GPR146: variants seen among roughly 807,000 people sequenced by gnomAD.
GPR146 encodes G-protein coupled receptor 146.
For synonymous variants in GPR146, 203 were observed against 104.3 expected (o/e 1.95, Z -5.77); for missense variants, 381 against 213.9 (o/e 1.78, Z -4.87).
chr7:1,045,631 A>G (rs1782506623), intron 1 of GPR146: 1 of 152,250 alleles, frequency 6.6e-6, no homozygotes, highest in South Asian at 2.1e-4. Flanking sequence ...GGCACTGTTA[A>G]TAATTAGACG....
chr7:1,053,001 C>T (rs765094623), intron 1 of GPR146, among the ~76,000 whole-genome samples: 23 of 152,232 alleles, frequency 1.5e-4, no homozygotes, highest in Non-Finnish European at 2.9e-4. Flanking sequence ...GCTCCCCGTT[C>T]CTCTTTCCCT....
chr7:1,050,332 A>G (rs1174424663), intron 1 of GPR146, among the ~76,000 whole-genome samples: 1 of 152,258 alleles, frequency 6.6e-6, no homozygotes, highest in Non-Finnish European at 1.5e-5. Flanking sequence ...GCATTTGCTC[A>G]GGCTCAGAGC....
rs776480007 is a variant in GPR146 at position 1,058,792 on chromosome 7, C to T, written c.*275C>T. The T allele has an allele frequency of 2.1e-6, 1 of 480,780 alleles. No homozygotes were observed. Among genetic ancestry groups the T allele is most frequent in the Non-Finnish European group, 3.8e-6 (1 of 263,114 alleles). The allele number at this position is 480,780 out of a possible 1,614,324, so 29.8% of individuals were successfully genotyped here. ...CCGCAAAAGCCTCCTCGCCTTCAGCCTCCTCAGCATTCAGTTTGTCAATGA... is the reference window on the plus strand; with the variant it reads ...CCGCAAAAGCCTCCTCGCCTTCAGCTTCCTCAGCATTCAGTTTGTCAATGA... On this transcript the variant is annotated 3_prime_UTR_variant, in exon 2 of 2. Transcript: ENST00000444847.
At chr7:1,053,943 G>A (rs1365475961) in intron 1 of GPR146, among the ~76,000 whole-genome samples, 3 of 152,232 alleles carry the variant, frequency 2.0e-5, no homozygotes, top group Admixed American at 2.0e-4. Flanking sequence ...GCACTCCCAG[G>A]GACCCTGTTC....
intron 1 of GPR146, among the ~76,000 whole-genome samples, chr7:1,046,254 T>C (rs553163219): frequency 2.6e-5 from 4 of 152,138 alleles, no homozygotes; most frequent in African/African-American, 7.2e-5. Flanking sequence ...CCTGAAAAAA[T>C]AACTGCCGCC....
At chr7:1,046,616 G>T (rs1198660708) in intron 1 of GPR146, among the ~76,000 whole-genome samples, 1 of 152,176 alleles carries the variant, frequency 6.6e-6, no homozygotes, top group Non-Finnish European at 1.5e-5. Context: ...ATGAGATGCT[G>T]CCCGGGACCA....
rs945845990 is a variant in GPR146, at chr7:1,048,563, T to C, written c.-25+3905T>C. 6.4e-4 allele frequency among the ~76,000 whole-genome samples: 97 copies of C among 152,152 alleles called. 2 individuals carry two copies. The highest frequency in any genetic ancestry group is 2.1e-4 in the South Asian group (1 of 4,826). ...ACAGGCCTGGGGCAGTCCATTTCTA[T>C]TGGGAAACCCTATCAAAGTTAGCCC... On this transcript the variant is annotated intron_variant, in intron 1 of 1. Coordinates refer to ENST00000444847, the MANE Select transcript of GPR146 (RefSeq NM_001303473.2).
rs145707904 is a variant in GPR146, at chr7:1,057,146, G to A, written c.-24-346G>A. 2.2e-3 allele frequency among the ~76,000 whole-genome samples: 336 copies of A among 152,162 alleles called. 3 individuals are homozygous for A. The highest frequency in any genetic ancestry group is 7.7e-3 in the African/African-American group (321 of 41,526). ...ACACCACAGACATCTAGTAAACTTC[G>A]GGAATCACTGTGCGGGGCCCGTCCA... On this transcript the variant is annotated intron_variant, in intron 1 of 1. Transcript: ENST00000444847.
chr7:1,044,991 C>T (rs1782447394), intron 1 of GPR146, among the ~76,000 whole-genome samples: 1 of 152,274 alleles, frequency 6.6e-6, no homozygotes, highest in Admixed American at 6.5e-5. Context: ...TCTCCTGGGC[C>T]ACTATGGTGA....
chr7:1,048,131 GT>G (rs1782753296), intron 1 of GPR146, among the ~76,000 whole-genome samples: 1 of 152,188 alleles, frequency 6.6e-6, no homozygotes, highest in African/African-American at 2.4e-5. Flanking sequence ...ACGAGCCAGT[GT>G]TTGCTGAGAG....
At position 1,057,587 on chromosome 7, in the gene GPR146, G is replaced by A; in HGVS notation, c.72G>A (p.Leu24=). 2.6e-6 allele frequency: 2 copies of A among 772,034 alleles called. No homozygotes were observed. The highest frequency in any genetic ancestry group is 2.5e-4 in the Middle Eastern group (1 of 4,062). The allele number at this position is 772,034 out of a possible 1,614,324, so 47.8% of individuals were successfully genotyped here. Residue 24 remains leucine, a synonymous_variant, in exon 2 of 2, where the codon CTG becomes CTA. Transcript: ENST00000444847. ...EELPACQDLQ[L]GLSLLSLLGL... ...TGCCTGCCTGCCAGGACCTGCAGCT[G>A]GGGCTGTCACTGTTGTCGCTGCTGG... is the stretch of plus-strand genomic sequence containing the variant.
At chr7:1,049,694 C>T (rs1300183745) in intron 1 of GPR146, among the ~76,000 whole-genome samples, 1 of 152,262 alleles carries the variant, frequency 6.6e-6, no homozygotes, top group Non-Finnish European at 1.5e-5. Flanking sequence ...CCCTGTCTAA[C>T]ATTCCCTCAT....
chr7:1,045,171 C>G (rs1460708858), intron 1 of GPR146, among the ~76,000 whole-genome samples: 1 of 152,256 alleles, frequency 6.6e-6, no homozygotes, highest in Non-Finnish European at 1.5e-5. Flanking sequence ...ACCACCACTA[C>G]CAGCAGCAGA....
Position 1,058,468 on chromosome 7 carries a change from A to G in GPR146, c.953A>G (p.Asp318Gly). The change falls in exon 2 of 2, where the codon GAC becomes GGC. Residue 318 changes from aspartate to glycine, a missense_variant. Asp to Gly is a moderately conservative substitution (Grantham distance 94). Coordinates refer to ENST00000444847, the MANE Select transcript of GPR146 (RefSeq NM_001303473.2). ...CTGATGAAAAAGCTGCCCTGCGGGG[A>G]CCGGCACTGCTCCCCGGACCACATG... ...QRLMKKLPCG[D>G]RHCSPDHMGV... The G allele has an allele frequency of 1.3e-6, 1 of 780,288 alleles. No individual in the cohort carries two copies. Among genetic ancestry groups the G allele is most frequent in the Non-Finnish European group, 2.4e-6 (1 of 418,110 alleles). 48.3% of individuals were successfully genotyped at this position (780,288 alleles called of 1,614,324 possible).
At position 1,057,496 on chromosome 7, in the gene GPR146, G is replaced by A. The variant is rs370178190; in HGVS notation, c.-20G>A. ...ACCTGTTCCTTCTTTCCGCAGGGTC[G>A]CGGAGCCTCGCCGGCCGCCATGTGG... On this transcript the variant is annotated 5_prime_UTR_variant, in exon 2 of 2. Coordinates refer to ENST00000444847, the MANE Select transcript of GPR146 (RefSeq NM_001303473.2). The A allele has an allele frequency of 4.3e-5, 32 of 752,538 alleles. No individual in the cohort carries two copies. The highest frequency in any genetic ancestry group is 6.9e-5 in the Non-Finnish European group (28 of 407,224). 46.6% of individuals were successfully genotyped at this position (752,538 alleles called of 1,614,324 possible). A position where few individuals can be genotyped will look rare whatever the true frequency, so the allele number is the denominator to read the frequency against.
intron 1 of GPR146, among the ~76,000 whole-genome samples, chr7:1,053,684 G>A (rs906127918): frequency 2.2e-4 from 34 of 152,178 alleles, no homozygotes; most frequent in African/African-American, 8.2e-4. Flanking sequence ...AAAATTAGCT[G>A]GGTGTGGTGG....
At chr7:1,056,671 G>T (rs1195777045) in intron 1 of GPR146, 2 of 152,252 alleles carry the variant, frequency 1.3e-5, no homozygotes, top group African/African-American at 4.8e-5. Context: ...TGGCGGGTGA[G>T]GACCCACTCC....
In GPR146 at chr7:1,052,700, C is replaced by T. The variant is rs1276473491; in HGVS notation, c.-24-4792C>T. Among the ~76,000 whole-genome samples the T allele has an allele frequency of 6.6e-6, 1 of 151,958 alleles. No homozygotes were observed. The highest frequency in any genetic ancestry group is 1.5e-5 in the Non-Finnish European group (1 of 67,960). Reference sequence around the variant, plus strand: ...TGCTGGCTGAGGGTGCAGTGGCGGGCCCCGGAAGCTGAATATCACCCCCGC... The same window carrying T: ...TGCTGGCTGAGGGTGCAGTGGCGGGTCCCGGAAGCTGAATATCACCCCCGC... On this transcript the variant is annotated intron_variant, in intron 1 of 1. Transcript: ENST00000444847. The surrounding 1 kb of genome is among the most constrained non-coding windows in gnomAD (Gnocchi z 4.2).
rs1322086542 is a variant in GPR146 at position 1,052,464 on chromosome 7, G to A, written c.-24-5028G>A. 6.6e-6 allele frequency among the ~76,000 whole-genome samples: 1 copy of A among 152,194 alleles called. No homozygotes were observed. Among genetic ancestry groups the A allele is most frequent in the Non-Finnish European group, 1.5e-5 (1 of 68,026 alleles). On this transcript the variant is annotated intron_variant, in intron 1 of 1. Coordinates refer to ENST00000444847, the MANE Select transcript of GPR146 (RefSeq NM_001303473.2). The surrounding 1 kb of genome is among the most constrained non-coding windows in gnomAD (Gnocchi z 4.2). ...GGGGGGAGATGCTGGTGGTAACAGT[G>A]GGAGGTAGGCAGTGAAACCAGCAGT...
Sources: allele counts gnomAD v4.1 joint callset (sites outside exome capture counted in the v4.1 genomes callset), GRCh38; gene constraint gnomAD v4.1.1; non-coding constraint Gnocchi (gnomAD v3.1); transcripts MANE v1.5; gene names NCBI Gene and HGNC (gene_info 2026-07-23, HGNC 2026-07-21).